The following COL9A1 variants were observed in gnomAD, a reference collection of about 807,000 sequenced individuals.
The protein encoded by COL9A1 is collagen type IX alpha 1 chain.
Under a neutral mutation model 142.6 loss-of-function variants are expected in COL9A1, and 104 were observed. The ratio of observed to expected loss-of-function variants is 0.73; its 90% confidence interval spans 0.62 to 0.86. COL9A1 has a LOEUF of 0.86. Among genes scored for constraint, COL9A1 ranks in the 40% least tolerant of loss-of-function variants. The pLI is 0.00. For missense variants in COL9A1, 1,210 were observed against 1,176.6 expected (o/e 1.03, Z -0.42); for synonymous variants, 466 against 396.0 (o/e 1.18, Z -2.10).
At chr6:70,226,515 AGTG>A (rs1379542554) in intron 36 of COL9A1, among the ~76,000 whole-genome samples, 6 of 152,132 alleles carry the variant, frequency 3.9e-5, no homozygotes, top group African/African-American at 1.4e-4. Context: ...TATTACAAAC[AGTG>A]GCATTCAGTC....
At chr6:70,267,734 G>T (rs533859460) in intron 17 of COL9A1, among the ~76,000 whole-genome samples, 4 of 152,222 alleles carry the variant, frequency 2.6e-5, no homozygotes, top group African/African-American at 9.6e-5. Context: ...TCCTAAGCAC[G>T]TGTGTGCTTT....
At chr6:70,288,749 A>C (rs1773549123) in intron 5 of COL9A1, among the ~76,000 whole-genome samples, 1 of 152,054 alleles carries the variant, frequency 6.6e-6, no homozygotes, top group Non-Finnish European at 1.5e-5. Flanking sequence ...CAACTTCTTC[A>C]GGTTTCTGCC....
chr6:70,232,396 G>A (rs139039413), intron 36 of COL9A1, among the ~76,000 whole-genome samples, 187 bp downstream of exon 36: 1 of 152,228 alleles, frequency 6.6e-6, no homozygotes, highest in African/African-American at 2.4e-5. Context: ...TGTTGTGGTA[G>A]AGCAGGGTCA....
At chr6:70,226,126 A>C in intron 36 of COL9A1, 117 bp from the exon 37 acceptor site, 1 of 881,808 alleles carries the variant, frequency 1.1e-6, no homozygotes, top group Admixed American at 2.0e-5. Flanking sequence ...AATTGCCATA[A>C]ACTAGATTGT....
At chr6:70,252,091 T>A in intron 28 of COL9A1, 29 bp downstream of exon 28, 2 of 1,611,624 alleles carry the variant, frequency 1.2e-6, no homozygotes, top group Non-Finnish European at 1.7e-6. Context: ...GAGAAGGTGC[T>A]TTAGGAAAGA....
At chr6:70,282,512 C>T (rs1402108684) in intron 7 of COL9A1, among the ~76,000 whole-genome samples, 3 of 136,528 alleles carry the variant, frequency 2.2e-5, no homozygotes. Context: ...GGAGAGGGAG[C>T]GTGCCTGGAT....
At chr6:70,283,206 C>A in intron 6 of COL9A1, 7 of 1,465,198 alleles carry the variant, frequency 4.8e-6, no homozygotes, top group Non-Finnish European at 6.3e-6. Flanking sequence ...CCGGGAGGCG[C>A]GCGTTCCCCC....
At chr6:70,291,180 T>C (rs569568993) in intron 5 of COL9A1, among the ~76,000 whole-genome samples, 2 of 152,152 alleles carry the variant, frequency 1.3e-5, no homozygotes, top group Non-Finnish European at 2.9e-5. Flanking sequence ...GCTTTGTCTA[T>C]GGGTTTCTAT....
At chr6:70,229,444 G>A (rs961429064) in intron 36 of COL9A1, among the ~76,000 whole-genome samples, 1 of 152,102 alleles carries the variant, frequency 6.6e-6, no homozygotes, top group Non-Finnish European at 1.5e-5. Context: ...TGAACGAGTG[G>A]AAATTCTCAT....
At chr6:70,218,339 G>T (rs766625505) in intron 37 of COL9A1, among the ~76,000 whole-genome samples, 10 of 152,144 alleles carry the variant, frequency 6.6e-5, no homozygotes, top group Admixed American at 2.0e-4. Context: ...GACATTTCTT[G>T]CTTGTCTTCC....
intron 11 of COL9A1, among the ~76,000 whole-genome samples, chr6:70,274,468 T>G (rs1772619288): frequency 1.3e-5 from 2 of 152,174 alleles, no homozygotes; most frequent in Non-Finnish European, 2.9e-5. Context: ...CAGTATTTGG[T>G]TTTCTGTTCC....
At chr6:70,302,853 G>A (rs1297192210) in intron 1 of COL9A1, 58 bp downstream of exon 1, 7 of 1,583,952 alleles carry the variant, frequency 4.4e-6, no homozygotes, top group Non-Finnish European at 6.1e-6. Context: ...ACAGACCCTT[G>A]GTTCTGAGGA....
chr6:70,295,547 C>T (rs1773822574), intron 4 of COL9A1, among the ~76,000 whole-genome samples: 1 of 152,078 alleles, frequency 6.6e-6, no homozygotes, highest in Non-Finnish European at 1.5e-5. Flanking sequence ...CTCAGTCTCC[C>T]ATAGTGCTGG....
chr6:70,232,802 G>A (rs1487693956), intron 35 of COL9A1, 31 bp from the exon 36 acceptor site: 27 of 1,582,294 alleles, frequency 1.7e-5, no homozygotes, highest in Non-Finnish European at 2.3e-5. Flanking sequence ...CAACCCAGAA[G>A]TGTCAGAAAC....
chr6:70,272,212 G>T (rs2127591203), intron 12 of COL9A1, 124 bp from the exon 13 acceptor site: 3 of 711,548 alleles, frequency 4.2e-6, no homozygotes, highest in Non-Finnish European at 4.6e-6. Flanking sequence ...TCATTCTAAA[G>T]AAAGCACTGA....
chr6:70,288,270 T>C (rs1034548825), intron 5 of COL9A1, among the ~76,000 whole-genome samples: 1 of 152,176 alleles, frequency 6.6e-6, no homozygotes, highest in African/African-American at 2.4e-5. Flanking sequence ...CTCCAAATCC[T>C]GTTTTCCTTA....
chr6:70,259,230 C>A (rs1771518257), intron 20 of COL9A1, among the ~76,000 whole-genome samples: 2 of 152,086 alleles, frequency 1.3e-5, no homozygotes, highest in African/African-American at 4.8e-5. Flanking sequence ...AATTTAATTT[C>A]ATTTATTGAG....
intron 36 of COL9A1, among the ~76,000 whole-genome samples, chr6:70,227,055 G>A (rs1230817840): frequency 3.3e-5 from 5 of 152,096 alleles, no homozygotes; most frequent in African/African-American, 1.2e-4. Context: ...TGAAGGTGGT[G>A]TCTTAAAGTG....
chr6:70,281,520 T>A, intron 7 of COL9A1, 56 bp from the exon 8 acceptor site: 2 of 1,429,232 alleles, frequency 1.4e-6, no homozygotes, highest in South Asian at 1.2e-5. Flanking sequence ...AGGGAGCAAC[T>A]GAGCGCGGTG....
Sources: allele counts gnomAD v4.1 joint callset (sites outside exome capture counted in the v4.1 genomes callset), GRCh38; gene constraint gnomAD v4.1.1; transcripts MANE v1.5; gene names NCBI Gene and HGNC (gene_info 2026-07-23, HGNC 2026-07-21).